Variants in PALM2AKAP2 observed in about 807,000 individuals in gnomAD.
The protein encoded by PALM2AKAP2 is PALM2-AKAP2 fusion protein.
In PALM2AKAP2, 37 loss-of-function variants were observed where a neutral mutation model predicts 71.5. That is an observed-to-expected ratio of 0.52 (90% CI 0.40 to 0.68). The LOEUF (loss-of-function observed/expected upper bound fraction) is 0.68. PALM2AKAP2 is among the 30% of genes least tolerant of loss of function. The pLI is 0.00. For missense variants in PALM2AKAP2, 1,224 were observed against 1,191.8 expected, an observed-to-expected ratio of 1.03 and a Z score of -0.40; for synonymous variants, 468 against 478.8, an observed-to-expected ratio of 0.98 and a Z score of 0.29.
At chr9:110,159,635 G>A (rs185879742) in intron 3 of PALM2AKAP2, among the ~76,000 whole-genome samples, 22 of 152,342 alleles carry the variant, frequency 1.4e-4, no homozygotes, top group Admixed American at 4.6e-4. Context: ...ATCGAGGAGA[G>A]TGAAAGACAG....
At chr9:109,732,205 C>A (rs2118662141) in intron 1 of PALM2AKAP2, among the ~76,000 whole-genome samples, 1 of 152,320 alleles carries the variant, frequency 6.6e-6, no homozygotes, top group Non-Finnish European at 1.5e-5. Context: ...AATAGCATTC[C>A]TTCCACGTGT....
chr9:109,969,100 A>G (rs1466233933), intron 6 of PALM2AKAP2, among the ~76,000 whole-genome samples: 1 of 151,890 alleles, frequency 6.6e-6, no homozygotes, highest in Non-Finnish European at 1.5e-5. Context: ...ACACACACAC[A>G]CACACACACA....
chr9:109,892,112 C>T (rs563977203), intron 3 of PALM2AKAP2, among the ~76,000 whole-genome samples: 21 of 152,286 alleles, frequency 1.4e-4, no homozygotes, highest in South Asian at 4.2e-4. Flanking sequence ...AATTTCTACA[C>T]GTTCGTGGCT....
intron 1 of PALM2AKAP2, among the ~76,000 whole-genome samples, chr9:109,678,760 G>T (rs1227224467): frequency 3.9e-5 from 6 of 152,130 alleles, no homozygotes; most frequent in African/African-American, 1.2e-4. Context: ...CTGGCCGGAG[G>T]TAAGCCAAAA....
At chr9:110,072,851 A>C (rs1834234950) in intron 1 of PALM2AKAP2, among the ~76,000 whole-genome samples, 1 of 152,046 alleles carries the variant, frequency 6.6e-6, no homozygotes, top group Non-Finnish European at 1.5e-5. Flanking sequence ...TGATACCCCA[A>C]ATGCCCCTTT....
rs565835467 is a variant in PALM2AKAP2 at position 109,881,876 on chromosome 9, C to CT, written c.257+1222dup. 4.8e-3 allele frequency among the ~76,000 whole-genome samples: 452 copies of CT among 95,082 alleles called. 38 individuals are homozygous for CT. Among genetic ancestry groups the CT allele is most frequent in the East Asian group, 0.016 (44 of 2,762 alleles). 62.4% of individuals were successfully genotyped at this position (95,082 alleles called of 152,430 possible). On this transcript the variant is annotated intron_variant, in intron 3 of 9. Transcript: ENST00000302798. Reference sequence around the variant, plus strand: ...TCTCTGTCTTCTGAGCTTATGAGCTCTTTTTTTTTTTTTTTTTTTTTTTTT... The same window carrying CT: ...TCTCTGTCTTCTGAGCTTATGAGCTCTTTTTTTTTTTTTTTTTTTTTTTTTT...
chr9:109,660,949 G>A (rs2132242061), intron 1 of PALM2AKAP2, among the ~76,000 whole-genome samples: 1 of 152,186 alleles, frequency 6.6e-6, no homozygotes, highest in East Asian at 1.9e-4. Flanking sequence ...GGGTCTGTTG[G>A]CTGCATAGAT....
chr9:110,071,501 C>CTT (rs1834207517), intron 1 of PALM2AKAP2, among the ~76,000 whole-genome samples: 1 of 152,192 alleles, frequency 6.6e-6, no homozygotes, highest in Non-Finnish European at 1.5e-5. Flanking sequence ...TGTAGTCTAT[C>CTT]TTATTGACGT....
chr9:109,748,679 G>A (rs1478867019), intron 1 of PALM2AKAP2, among the ~76,000 whole-genome samples: 1 of 152,152 alleles, frequency 6.6e-6, no homozygotes, highest in Non-Finnish European at 1.5e-5. Flanking sequence ...CTTTGATTTT[G>A]GGGTAGAGGG....
chr9:110,052,492 A>G (rs986756), intron 1 of PALM2AKAP2, among the ~76,000 whole-genome samples: 1,999 of 152,326 alleles, frequency 0.013, 41 homozygotes, highest in African/African-American at 0.046. Context: ...TCATGAATAT[A>G]TTATAGGAAA....
At chr9:109,752,449 G>GCTAAAT (rs1776209797) in intron 1 of PALM2AKAP2, among the ~76,000 whole-genome samples, 1 of 152,148 alleles carries the variant, frequency 6.6e-6, no homozygotes, top group African/African-American at 2.4e-5. Flanking sequence ...ACTTTGGGTA[G>GCTAAAT]GAAGGAGATA....
intron 6 of PALM2AKAP2, among the ~76,000 whole-genome samples, chr9:110,014,801 AAAATGTATATATATATATATATATATAT>A (rs1832945376): frequency 9.7e-5 from 4 of 41,266 alleles, no homozygotes; most frequent in African/African-American, 4.6e-4. Flanking sequence ...AAAAAAAAAA[AAAATGTATATATATATATATATATATAT>A]ATATATATAT....
intron 3 of PALM2AKAP2, among the ~76,000 whole-genome samples, chr9:110,160,716 T>C (rs748425539): frequency 2.8e-4 from 43 of 152,202 alleles, no homozygotes; most frequent in Non-Finnish European, 7.3e-5. Flanking sequence ...TCTCGAGGGT[T>C]TGCTTTGCCT....
intron 1 of PALM2AKAP2, chr9:109,847,815 C>T (rs1828905525): frequency 6.6e-6 from 1 of 152,280 alleles, no homozygotes; most frequent in Admixed American, 6.5e-5. Context: ...GAAATGAAGA[C>T]AGCCTGCGAG....
chr9:109,890,752 T>A (rs913468793), intron 3 of PALM2AKAP2, among the ~76,000 whole-genome samples: 1 of 152,166 alleles, frequency 6.6e-6, no homozygotes, highest in African/African-American at 2.4e-5. Context: ...TCAGTTAAAC[T>A]TGCAAAGTGA....
chr9:109,792,475 G>T (rs80001899), intron 1 of PALM2AKAP2, among the ~76,000 whole-genome samples: 5,638 of 152,092 alleles, frequency 0.037, 192 homozygotes, highest in South Asian at 0.063. Flanking sequence ...GAACACATGC[G>T]TAGATTTGTG....
chr9:109,961,213 T>C (rs997241486), intron 6 of PALM2AKAP2, among the ~76,000 whole-genome samples: 1 of 152,226 alleles, frequency 6.6e-6, no homozygotes, highest in East Asian at 1.9e-4. Flanking sequence ...TTTATAATCA[T>C]AGCATTGCAC....
intron 1 of PALM2AKAP2, among the ~76,000 whole-genome samples, chr9:109,861,649 C>T (rs1829313095): frequency 6.6e-6 from 1 of 152,186 alleles, no homozygotes; most frequent in South Asian, 2.1e-4. Flanking sequence ...ACTGTCAGCT[C>T]ATTATGCTTT....
chr9:109,810,006 C>G (rs1205899700), intron 1 of PALM2AKAP2, among the ~76,000 whole-genome samples: 3 of 152,224 alleles, frequency 2.0e-5, no homozygotes, highest in Admixed American at 6.5e-5. Context: ...ATTACCCAGT[C>G]AGCTATGTCT....
Sources: allele counts gnomAD v4.1 joint callset (sites outside exome capture counted in the v4.1 genomes callset), GRCh38; gene constraint gnomAD v4.1.1; transcripts MANE v1.5; gene names NCBI Gene and HGNC (gene_info 2026-07-23, HGNC 2026-07-21).